TMPRSS15: variants seen among roughly 807,000 people sequenced by gnomAD.
The protein encoded by TMPRSS15 is transmembrane serine protease 15, also known as enteropeptidase.
TMPRSS15 carries 128 observed loss-of-function variants against 125.3 expected under a neutral mutation model. The observed-to-expected ratio is 1.02, with a 90% confidence interval of 0.89 to 1.18. TMPRSS15 has a LOEUF of 1.18. Ranked by LOEUF, TMPRSS15 falls within the 50% of genes most tolerant of loss-of-function variation. TMPRSS15 has a pLI of 0.00. For synonymous variants in TMPRSS15, 446 were observed against 423.2 expected, an observed-to-expected ratio of 1.05 and a Z score of -0.66; for missense variants, 1,283 against 1,212.7, an observed-to-expected ratio of 1.06 and a Z score of -0.86.
At chr21:18,404,846 T>G (rs957432501), upstream of TMPRSS15, among the ~76,000 whole-genome samples, 1 of 152,036 alleles carries the variant, frequency 6.6e-6, no homozygotes, top group Non-Finnish European at 1.5e-5. Context: ...CTGATAAAAA[T>G]AGAATTATGA....
intron 4 of TMPRSS15, 49 bp from the exon 5 acceptor site, chr21:18,379,367 T>A: frequency 1.1e-6 from 1 of 872,650 alleles, no homozygotes; most frequent in Non-Finnish European, 1.6e-6. Flanking sequence ...TTAAACTAAT[T>A]ACCAGGAATT....
At chr21:18,331,442 T>C (rs2146968789) in intron 14 of TMPRSS15, among the ~76,000 whole-genome samples, 1 of 152,366 alleles carries the variant, frequency 6.6e-6, no homozygotes, top group African/African-American at 2.4e-5. Flanking sequence ...ACACAATCTT[T>C]ATGTATCTTT....
chr21:18,485,789 A>G, intron 1 of TMPRSS15: 1 of 164,696 alleles, frequency 6.1e-6, no homozygotes. Context: ...AAGAGGTTTA[A>G]TTGACTCACA....
At chr21:18,390,959 A>T (rs2123091757) in intron 3 of TMPRSS15, among the ~76,000 whole-genome samples, 1 of 152,306 alleles carries the variant, frequency 6.6e-6, no homozygotes, top group Non-Finnish European at 1.5e-5. Context: ...AAGAGAGAAG[A>T]GTGTGAAGGG....
At chr21:18,270,835 TATC>T (rs1278773119) in intron 24 of TMPRSS15, among the ~76,000 whole-genome samples, 1 of 152,216 alleles carries the variant, frequency 6.6e-6, no homozygotes, top group Non-Finnish European at 1.5e-5. Flanking sequence ...AAACATATAA[TATC>T]ATTATTTAAT....
intron 4 of TMPRSS15, among the ~76,000 whole-genome samples, chr21:18,380,173 A>T (rs1219213025): frequency 9.4e-5 from 14 of 149,356 alleles, no homozygotes; most frequent in South Asian, 8.6e-4. Flanking sequence ...GATGTCACAC[A>T]CACACACACA....
At chr21:18,307,530 A>G (rs1407877239) in intron 18 of TMPRSS15, among the ~76,000 whole-genome samples, 1 of 152,156 alleles carries the variant, frequency 6.6e-6, no homozygotes, top group Non-Finnish European at 1.5e-5. Context: ...AGCACATTGC[A>G]TTTATCACAT....
chr21:18,451,951 A>G (rs1470932778), intron 1 of TMPRSS15, among the ~76,000 whole-genome samples: 1 of 152,176 alleles, frequency 6.6e-6, no homozygotes, highest in Non-Finnish European at 1.5e-5. Context: ...AAACTTATGC[A>G]TGCATAATTT....
At chr21:18,288,766 C>T (rs2074797579) in intron 21 of TMPRSS15, among the ~76,000 whole-genome samples, 1 of 151,918 alleles carries the variant, frequency 6.6e-6, no homozygotes, top group Non-Finnish European at 1.5e-5. Context: ...TGGTCTCAAA[C>T]TCCCGAGCTC....
intron 8 of TMPRSS15, among the ~76,000 whole-genome samples, chr21:18,358,374 ATATATGGTAAAGT>A (rs2075645967): frequency 6.6e-6 from 1 of 151,880 alleles, no homozygotes; most frequent in Non-Finnish European, 1.5e-5. Context: ...GTAGGTGAAA[ATATATGGTAAAGT>A]TTATTAATGT....
chr21:18,288,032 T>C (rs924558338), intron 21 of TMPRSS15, among the ~76,000 whole-genome samples: 3 of 152,160 alleles, frequency 2.0e-5, no homozygotes, highest in African/African-American at 7.2e-5. Context: ...ATACCTGCAT[T>C]TGTGTGTTTA....
intron 23 of TMPRSS15, 22 bp downstream of exon 23, chr21:18,278,942 T>TTTTTTTG: frequency 1.0e-6 from 1 of 985,770 alleles, no homozygotes; most frequent in Non-Finnish European, 1.5e-6. Context: ...TTTTTTTTTT[T>TTTTTTTG]TTTTTGAGTC....
At chr21:18,306,817 A>G (rs1351575731) in intron 18 of TMPRSS15, among the ~76,000 whole-genome samples, 1 of 152,112 alleles carries the variant, frequency 6.6e-6, no homozygotes, top group East Asian at 1.9e-4. Context: ...GCATCAGTAT[A>G]AAATGTTTTC....
chr21:18,437,394 C>T (rs896769292), intron 1 of TMPRSS15, among the ~76,000 whole-genome samples: 25 of 152,232 alleles, frequency 1.6e-4, no homozygotes, highest in Admixed American at 3.3e-4. Flanking sequence ...CTAGGCATTA[C>T]CATTCAGGAC....
At position 18,313,073 on chromosome 21, in the gene TMPRSS15, A is replaced by G; in HGVS notation, c.2037T>C (p.Arg679=). The change falls in exon 18 of 25, where the codon CGT becomes CGC. Residue 679 remains arginine (R), a synonymous_variant. Coordinates refer to ENST00000284885, the MANE Select transcript of TMPRSS15 (RefSeq NM_002772.3). ...EDGSDEADCV[R]FFNGTTNNNG... The stretch of plus-strand genomic sequence containing the variant: ...TGTTGTTCGTTGTGCCATTGAAAAA[A>G]CGCACTAAAGACACAGAGAGCATAA... 1 of 1,613,168 alleles carries G rather than the reference A, an allele frequency of 6.2e-7. No individual in the cohort carries two copies. Among genetic ancestry groups the G allele is most frequent in the South Asian group, 1.1e-5 (1 of 91,056 alleles).
chr21:18,340,087 A>G (rs1054248846), intron 13 of TMPRSS15, among the ~76,000 whole-genome samples: 1 of 152,240 alleles, frequency 6.6e-6, no homozygotes, highest in Non-Finnish European at 1.5e-5. Flanking sequence ...GGATTGAAGG[A>G]TGCAAAGTAT....
intron 3 of TMPRSS15, among the ~76,000 whole-genome samples, chr21:18,387,785 G>T (rs1164449778): frequency 6.6e-6 from 1 of 152,114 alleles, no homozygotes; most frequent in East Asian, 1.9e-4. Context: ...CACATACATG[G>T]TGTGAGTTTA....
chr21:18,349,013 C>T (rs1240727944), intron 10 of TMPRSS15, among the ~76,000 whole-genome samples: 3 of 152,102 alleles, frequency 2.0e-5, no homozygotes, highest in African/African-American at 7.2e-5. Context: ...GGAAACTTGC[C>T]TAAATGGCAG....
chr21:18,432,658 G>A (rs542353857), intron 1 of TMPRSS15, among the ~76,000 whole-genome samples: 3 of 152,110 alleles, frequency 2.0e-5, no homozygotes, highest in East Asian at 1.9e-4. Context: ...ACCAGGAGTC[G>A]GGAGAGTCAA....
Sources: gnomAD v4.1 joint callset for allele counts (sites outside exome capture counted in the v4.1 genomes callset) on GRCh38, gnomAD v4.1.1 for gene constraint, MANE v1.5 for transcripts, NCBI Gene and HGNC (gene_info 2026-07-23, HGNC 2026-07-21) for gene names.